Variants in PDE10A observed in about 807,000 individuals in gnomAD.
The protein encoded by PDE10A is phosphodiesterase 10A.
In PDE10A, 39 loss-of-function variants were observed where a neutral mutation model predicts 97.7. The observed-to-expected ratio is 0.40, with a 90% CI of 0.31 to 0.52. The LOEUF (loss-of-function observed/expected upper bound fraction) is 0.52. PDE10A is among the 20% of genes least tolerant of loss of function. PDE10A has a pLI of 0.56. For synonymous variants in PDE10A, 371 were observed against 376.8 expected (o/e 0.98, Z 0.18); for missense variants, 731 against 1,047.8 (o/e 0.70, Z 4.17).
intron 1 of PDE10A, among the ~76,000 whole-genome samples, chr6:165,934,626 C>A (rs1410321398): frequency 6.6e-6 from 1 of 152,200 alleles, no homozygotes; most frequent in Non-Finnish European, 1.5e-5. Flanking sequence ...GAAGACTTAA[C>A]TGAAAGCAAA....
chr6:165,804,770 C>T (rs958234806), intron 1 of PDE10A, among the ~76,000 whole-genome samples: 7 of 150,376 alleles, frequency 4.7e-5, no homozygotes, highest in African/African-American at 1.7e-4. Flanking sequence ...GGAGCGGCGG[C>T]GGGGGACTGG....
intron 17 of PDE10A, among the ~76,000 whole-genome samples, chr6:165,382,582 T>C (rs1313018616): frequency 6.6e-6 from 1 of 152,174 alleles, no homozygotes; most frequent in African/African-American, 2.4e-5. Context: ...TTGATGCATA[T>C]TATTCTCATC....
chr6:165,953,551 A>G (rs530668541), intron 1 of PDE10A, among the ~76,000 whole-genome samples: 1 of 152,030 alleles, frequency 6.6e-6, no homozygotes, highest in Admixed American at 6.5e-5. Context: ...AGATTGTGCC[A>G]CTGCACTCCA....
chr6:165,426,974 G>A (rs1789210027), intron 10 of PDE10A, among the ~76,000 whole-genome samples: 1 of 152,112 alleles, frequency 6.6e-6, no homozygotes, highest in Non-Finnish European at 1.5e-5. Context: ...GTAAGTGTTG[G>A]TGAGGATGTG....
At chr6:165,441,390 GCA>G (rs1239856271) in intron 5 of PDE10A, among the ~76,000 whole-genome samples, 3 of 152,134 alleles carry the variant, frequency 2.0e-5, no homozygotes, top group South Asian at 2.1e-4. Context: ...CAGCAATTTA[GCA>G]CAGTTTTTTG....
chr6:165,366,738 C>G lies in PDE10A; in HGVS notation c.2783+12456G>C, dbSNP rs140974477. On this transcript the variant is annotated intron_variant, in intron 18 of 21. Coordinates refer to ENST00000539869, the MANE Select transcript of PDE10A (RefSeq NM_001385079.1). ...AGGGAGAACCACAGAAGTGGAAGTC[C>G]CCAAATTGGAATTCATACAAATCCC... is the stretch of plus-strand genomic sequence containing the variant. Among the ~76,000 whole-genome samples the G allele has an allele frequency of 1.2e-3, 176 of 152,096 alleles. 1 individual carries two copies. Among genetic ancestry groups the G allele is most frequent in the South Asian group, 5.0e-3 (24 of 4,818 alleles).
At chr6:165,523,356 CCAATTT>C (rs1285782984) in intron 2 of PDE10A, among the ~76,000 whole-genome samples, 2 of 152,142 alleles carry the variant, frequency 1.3e-5, no homozygotes. Context: ...ATCACACTAT[CCAATTT>C]CAAACTATGC....
intron 2 of PDE10A, among the ~76,000 whole-genome samples, chr6:165,496,801 C>T (rs1012070979): frequency 6.6e-6 from 1 of 152,122 alleles, no homozygotes; most frequent in Non-Finnish European, 1.5e-5. Flanking sequence ...TGCTAGAAAT[C>T]GCTACTTTTA....
intron 18 of PDE10A, among the ~76,000 whole-genome samples, chr6:165,377,624 T>G (rs1237699938): frequency 6.6e-6 from 1 of 152,158 alleles, no homozygotes; most frequent in Admixed American, 6.6e-5. Flanking sequence ...TGGATACTAG[T>G]TACATGATTC....
At chr6:165,766,098 T>C (rs1211441445) in intron 1 of PDE10A, among the ~76,000 whole-genome samples, 1 of 152,150 alleles carries the variant, frequency 6.6e-6, no homozygotes. Flanking sequence ...CTCAGCTTGT[T>C]AGTCCCGCCG....
chr6:165,701,367 T>A lies in PDE10A; in HGVS notation c.-614-157799A>T, dbSNP rs181402686. ...ACACAATTTGCCACTGTCACTGTTC[T>A]TTATGATTTTTCAAGAGAATGCTGC... On this transcript the variant is annotated intron_variant, in intron 1 of 19. Transcript: ENST00000366882. 3.6e-3 allele frequency among the ~76,000 whole-genome samples: 545 copies of A among 152,330 alleles called. 2 individuals are homozygous for A. Among genetic ancestry groups the A allele is most frequent in the African/African-American group, 0.012 (505 of 41,578 alleles).
At chr6:165,935,261 G>A (rs193225610) in intron 1 of PDE10A, among the ~76,000 whole-genome samples, 13 of 152,280 alleles carry the variant, frequency 8.5e-5, no homozygotes, top group African/African-American at 2.9e-4. Flanking sequence ...AATAGCGTAG[G>A]AAAGAAAAAT....
intron 1 of PDE10A, among the ~76,000 whole-genome samples, chr6:165,651,306 G>C (rs1789674688): frequency 6.6e-6 from 1 of 152,080 alleles, no homozygotes; most frequent in Non-Finnish European, 1.5e-5. Context: ...GATTTGTCTT[G>C]TTCATCTCCT....
intron 2 of PDE10A, among the ~76,000 whole-genome samples, chr6:165,531,990 A>G (rs1782806686): frequency 6.6e-6 from 1 of 152,226 alleles, no homozygotes; most frequent in African/African-American, 2.4e-5. Context: ...TACTGGTACA[A>G]AAATGAACAA....
At chr6:165,651,028 G>A (rs1177179862) in intron 1 of PDE10A, among the ~76,000 whole-genome samples, 1 of 152,144 alleles carries the variant, frequency 6.6e-6, no homozygotes, top group Non-Finnish European at 1.5e-5. Flanking sequence ...GAGCCACCAC[G>A]CCCAGCCAAC....
At chr6:165,358,334 T>C (rs887966387) in intron 18 of PDE10A, among the ~76,000 whole-genome samples, 14 of 152,130 alleles carry the variant, frequency 9.2e-5, no homozygotes, top group Non-Finnish European at 1.5e-4. Flanking sequence ...GTTTACTTTT[T>C]AGTTCTGTGT....
At chr6:165,494,290 C>T (rs1348419016) in intron 2 of PDE10A, among the ~76,000 whole-genome samples, 1 of 151,994 alleles carries the variant, frequency 6.6e-6, no homozygotes, top group Non-Finnish European at 1.5e-5. Context: ...AGTAGATCTA[C>T]CATTTGATCC....
At chr6:165,748,254 G>A (rs541310141) in intron 1 of PDE10A, among the ~76,000 whole-genome samples, 1 of 152,276 alleles carries the variant, frequency 6.6e-6, no homozygotes, top group East Asian at 1.9e-4. Context: ...TATTTATGTT[G>A]TTTAGGTACT....
At chr6:165,597,690 CAGTT>C (rs1369951961) in intron 1 of PDE10A, among the ~76,000 whole-genome samples, 1 of 152,140 alleles carries the variant, frequency 6.6e-6, no homozygotes, top group Non-Finnish European at 1.5e-5. Flanking sequence ...TTACATGTTC[CAGTT>C]AGTTCTTTTC....
Sources: gnomAD v4.1 joint callset for allele counts (sites outside exome capture counted in the v4.1 genomes callset) on GRCh38, gnomAD v4.1.1 for gene constraint, MANE v1.5 for transcripts, NCBI Gene and HGNC (gene_info 2026-07-23, HGNC 2026-07-21) for gene names.